The following MICAL3 variants were observed in gnomAD, a reference collection of about 807,000 sequenced individuals.
MICAL3 encodes the protein microtubule associated monooxygenase, calponin and LIM domain containing 3.
Under a neutral mutation model 207.4 loss-of-function variants are expected in MICAL3, and 62 were observed. That is an observed-to-expected ratio of 0.30 (90% CI 0.24 to 0.37). MICAL3 has a LOEUF of 0.37. Ranked by LOEUF, MICAL3 falls within the 10% of genes least tolerant of loss-of-function variation. The pLI is 1.00. For missense variants in MICAL3, 2,368 were observed against 2,635.6 expected, an observed-to-expected ratio of 0.90 and a Z score of 2.22; for synonymous variants, 1,077 against 1,069.3, an observed-to-expected ratio of 1.01 and a Z score of -0.14.
At chr22:17,860,838 C>G (rs1386292535) in intron 19 of MICAL3, 2 of 985,392 alleles carry the variant, frequency 2.0e-6, no homozygotes, top group African/African-American at 3.5e-5. Flanking sequence ...AAGCCCTGAC[C>G]TGGAGTACGG....
chr22:17,969,811 G>A (rs1954938984), intron 1 of MICAL3, among the ~76,000 whole-genome samples: 1 of 152,214 alleles, frequency 6.6e-6, no homozygotes, highest in South Asian at 2.1e-4. Flanking sequence ...TGGGATGGGT[G>A]CATGCTTCCT....
At chr22:17,876,777 G>C (rs1178741094) in intron 16 of MICAL3, 1 of 136,332 alleles carries the variant, frequency 7.3e-6, no homozygotes, top group Non-Finnish European at 1.6e-5. Flanking sequence ...GGAAGTTATG[G>C]AGGTTAGGGA....
chr22:17,932,439 T>C (rs1017265395), intron 1 of MICAL3, among the ~76,000 whole-genome samples: 7 of 152,310 alleles, frequency 4.6e-5, no homozygotes, highest in African/African-American at 1.7e-4. Flanking sequence ...AGAGATTTTG[T>C]TACCACCAGG....
Position 17,790,591 on chromosome 22 carries a change from C to T in MICAL3, c.*141G>A. 1 of 776,792 alleles carries T rather than the reference C, an allele frequency of 1.3e-6. No homozygotes were observed. Among genetic ancestry groups the T allele is most frequent in the Non-Finnish European group, 2.0e-6 (1 of 496,674 alleles). 48.1% of individuals were successfully genotyped at this position (776,792 alleles called of 1,614,324 possible). ...GCTCCCCACTGCACGCGGGACTCGA[C>T]CACTTTCCAAGCAGCACACGGGCAT... is the stretch of plus-strand genomic sequence containing the variant. On this transcript the variant is annotated 3_prime_UTR_variant, in exon 32 of 32. Coordinates refer to ENST00000441493, the MANE Select transcript of MICAL3 (RefSeq NM_015241.3).
chr22:17,862,350 G>A, intron 19 of MICAL3: 1 of 700,304 alleles, frequency 1.4e-6, no homozygotes, highest in Non-Finnish European at 1.8e-6. Context: ...TGCCTCCTGG[G>A]TTCACGCCAT....
chr22:17,886,079 G>A lies in MICAL3; in HGVS notation c.2068-28C>T, dbSNP rs531681880. 1.2e-5 allele frequency: 20 copies of A among 1,611,100 alleles called. No individual in the cohort carries two copies. In the African/African-American group the frequency reaches 1.3e-4, roughly 11 times the overall value. On this transcript the variant is annotated intron_variant, in intron 15 of 31. Transcript: ENST00000441493. ...GGTCAATGCCAACCCCAAAGAACCC[G>A]GCGCTGTGACAGGAGGCTCCCCCCA...
intron 1 of MICAL3, among the ~76,000 whole-genome samples, chr22:17,947,198 G>A (rs891734686): frequency 6.6e-6 from 1 of 152,154 alleles, no homozygotes; most frequent in Non-Finnish European, 1.5e-5. Flanking sequence ...GCCGCTGCAC[G>A]CGTTCATCTT....
chr22:17,891,760 G>A, intron 11 of MICAL3, 128 bp from the exon 12 acceptor site: 1 of 779,928 alleles, frequency 1.3e-6, no homozygotes, highest in Non-Finnish European at 2.1e-6. Context: ...GTCAACACTA[G>A]TTTCCATGCA....
intron 1 of MICAL3, among the ~76,000 whole-genome samples, chr22:17,936,483 G>A (rs933625753): frequency 6.6e-6 from 1 of 151,876 alleles, no homozygotes; most frequent in South Asian, 2.1e-4. Flanking sequence ...TAAATGATGA[G>A]TTGATGGGTG....
intron 1 of MICAL3, among the ~76,000 whole-genome samples, chr22:17,909,901 G>T (rs1931998778): frequency 6.6e-6 from 1 of 152,110 alleles, no homozygotes; most frequent in Non-Finnish European, 1.5e-5. Flanking sequence ...CTCTTTGTGG[G>T]ACTTCTGAGG....
chr22:17,860,205 T>TAA, intron 19 of MICAL3: 3 of 939,182 alleles, frequency 3.2e-6, no homozygotes, highest in African/African-American at 3.6e-5. Flanking sequence ...TAACATTTGT[T>TAA]AAAAAAAAAA....
At chr22:17,845,847 T>C (rs1407303566) in intron 19 of MICAL3, among the ~76,000 whole-genome samples, 1 of 152,192 alleles carries the variant, frequency 6.6e-6, no homozygotes, top group Non-Finnish European at 1.5e-5. Flanking sequence ...GACACAGCAC[T>C]TCATGAAAGC....
At chr22:17,860,428 C>T (rs1029009576) in intron 19 of MICAL3, 14 of 985,338 alleles carry the variant, frequency 1.4e-5, no homozygotes, top group East Asian at 1.1e-4. Context: ...CTCGTACCGC[C>T]GCCGGGAAGC....
chr22:17,896,587 T>C, intron 8 of MICAL3, 137 bp downstream of exon 8: 1 of 942,508 alleles, frequency 1.1e-6, no homozygotes, highest in Non-Finnish European at 1.6e-6. Context: ...CCTCCTCTAC[T>C]TCCTGGTGTG....
At chr22:17,809,627 C>T (rs1315867794) in intron 28 of MICAL3, among the ~76,000 whole-genome samples, 5 of 143,058 alleles carry the variant, frequency 3.5e-5, no homozygotes, top group Non-Finnish European at 8.0e-5. Flanking sequence ...GAGACTCCGT[C>T]TCAAACAAAA....
intron 22 of MICAL3, among the ~76,000 whole-genome samples, chr22:17,824,160 CTG>C (rs1225887737): frequency 1.3e-5 from 2 of 152,218 alleles, no homozygotes; most frequent in Non-Finnish European, 2.9e-5. Context: ...TCTGAGGACA[CTG>C]TGAGACCCGC....
chr22:17,801,148 CTTTTTTT>C (rs978301664), intron 29 of MICAL3, among the ~76,000 whole-genome samples: 8 of 91,896 alleles, frequency 8.7e-5, no homozygotes, highest in Middle Eastern at 5.6e-3. Flanking sequence ...TTTCCTTTTT[CTTTTTTT>C]TTTTTTTTTT....
intron 1 of MICAL3, among the ~76,000 whole-genome samples, chr22:17,933,594 TAGC>T (rs535110262): frequency 0.013 from 2,051 of 152,174 alleles, 45 homozygotes; most frequent in African/African-American, 0.047. Flanking sequence ...ATTCAAAAGC[TAGC>T]AGAAGGCAAG....
chr22:17,954,497 A>G (rs1934517631), intron 1 of MICAL3, among the ~76,000 whole-genome samples: 1 of 152,166 alleles, frequency 6.6e-6, no homozygotes, highest in Admixed American at 6.5e-5. Flanking sequence ...AATGGATCAG[A>G]TATAGAAAAT....
Sources: gnomAD v4.1 joint callset for allele counts (sites outside exome capture counted in the v4.1 genomes callset) on GRCh38, gnomAD v4.1.1 for gene constraint, MANE v1.5 for transcripts, NCBI Gene and HGNC (gene_info 2026-07-23, HGNC 2026-07-21) for gene names.